MCOLN3: variants seen among roughly 807,000 people sequenced by gnomAD.
MCOLN3 encodes mucolipin TRP cation channel 3, also known as mucolipin-3.
MCOLN3 carries 62 observed loss-of-function variants against 69.4 expected under a neutral mutation model. That is an observed-to-expected ratio of 0.89 (90% CI 0.73 to 1.10). The LOEUF is 1.10. MCOLN3 is among the 50% of genes least tolerant of loss of function. The pLI, the probability that MCOLN3 is intolerant of heterozygous loss-of-function variation, is 0.00. For missense variants in MCOLN3, 564 were observed against 656.4 expected (o/e 0.86, Z 1.54); for synonymous variants, 183 against 217.0 (o/e 0.84, Z 1.38).
intron 9 of MCOLN3, 32 bp downstream of exon 9, chr1:85,025,907 A>G: frequency 1.9e-6 from 3 of 1,563,852 alleles, no homozygotes; most frequent in Non-Finnish European, 2.6e-6. Context: ...CAAATCTGAC[A>G]CTAACAATAG....
chr1:85,019,357 TAG>T, intron 12 of MCOLN3, 100 bp from the exon 13 acceptor site: 2 of 1,158,910 alleles, frequency 1.7e-6, no homozygotes, highest in Non-Finnish European at 2.5e-6. Context: ...GGGGGTTTTC[TAG>T]AGAGATAGTA....
intron 6 of MCOLN3, among the ~76,000 whole-genome samples, chr1:85,030,962 T>G (rs1477024078): frequency 1.3e-5 from 2 of 151,286 alleles, no homozygotes; most frequent in African/African-American, 4.9e-5. Context: ...TAAATAAGAG[T>G]TCGTTAATAG....
chr1:85,034,342 C>A, intron 3 of MCOLN3, 91 bp from the exon 4 acceptor site: 1 of 1,370,016 alleles, frequency 7.3e-7, no homozygotes, highest in East Asian at 2.3e-5. Context: ...CTGATCCTGG[C>A]AGGTTCCCTT....
intron 3 of MCOLN3, chr1:85,036,770 C>G (rs1289152951): frequency 6.6e-6 from 1 of 152,128 alleles, no homozygotes; most frequent in Non-Finnish European, 1.5e-5. Context: ...ATATTCTCCC[C>G]AAGATTTCAA....
chr1:85,045,066 C>A lies in MCOLN3; in HGVS notation c.228+67G>T, dbSNP rs1270292098. 92 of 1,231,788 alleles carry A rather than the reference C, an allele frequency of 7.5e-5. No homozygotes were observed. The Admixed American group carries it at 2.1e-3, about 28-fold the overall frequency. The allele number at this position is 1,231,788 out of a possible 1,614,324, so 76.3% of individuals were successfully genotyped here. A position where few individuals can be genotyped will look rare whatever the true frequency, so the allele number is the denominator to read the frequency against. On this transcript the variant is annotated intron_variant, in intron 2 of 12. Coordinates refer to ENST00000370589, the MANE Select transcript of MCOLN3 (RefSeq NM_018298.11). ...AGTTAAAAGTTATTTAAAAAAAAAA[C>A]CACTGTCCATAGTTATCTTTGTAAT...
chr1:85,043,369 A>C (rs1407773011), intron 2 of MCOLN3, among the ~76,000 whole-genome samples: 1 of 152,118 alleles, frequency 6.6e-6, no homozygotes, highest in African/African-American at 2.4e-5. Context: ...ATCTCCACTG[A>C]AAATACAAAA....
At chr1:85,033,963 A>T in intron 4 of MCOLN3, 135 bp downstream of exon 4, 1 of 959,944 alleles carries the variant, frequency 1.0e-6, no homozygotes, top group South Asian at 1.7e-5. Context: ...TACCTGACAC[A>T]TAATAACTCG....
chr1:85,025,833 A>T, intron 9 of MCOLN3, 106 bp downstream of exon 9: 1 of 1,150,084 alleles, frequency 8.7e-7, no homozygotes, highest in East Asian at 2.6e-5. Context: ...CTTGATATAC[A>T]GTTTGGAAGA....
rs539304685 is a variant in MCOLN3 at position 85,019,844 on chromosome 1, C to T, written c.1528-587G>A. ...ACCCTTTTGGAGTCAGTCTTCCAGCCAGGCAAGTTTGTTTAAGGGCCTCAT... is the reference window on the plus strand; with the variant it reads ...ACCCTTTTGGAGTCAGTCTTCCAGCTAGGCAAGTTTGTTTAAGGGCCTCAT... On this transcript the variant is annotated intron_variant, in intron 12 of 12. Coordinates refer to ENST00000370589, the MANE Select transcript of MCOLN3 (RefSeq NM_018298.11). 4.6e-5 allele frequency among the ~76,000 whole-genome samples: 7 copies of T among 152,264 alleles called. 1 individual carries two copies. In the South Asian group the frequency reaches 1.5e-3, roughly 32 times the overall value.
rs536519251 is a variant in MCOLN3, at chr1:85,033,062, T to C, written c.551-106A>G. 5.5e-4 allele frequency: 546 copies of C among 991,346 alleles called. 4 individuals carry two copies. The African/African-American group carries it at 7.9e-3, about 14-fold the overall frequency. The allele number at this position is 991,346 out of a possible 1,614,324, so 61.4% of individuals were successfully genotyped here. ...TATTCAGATTCTATTATTTTTCAGA[T>C]TCTATTATTTTTCTGAATTAAAATT... On this transcript the variant is annotated intron_variant, in intron 4 of 12. Transcript: ENST00000370589.
chr1:85,037,078 C>T (rs1190162866), intron 3 of MCOLN3, among the ~76,000 whole-genome samples: 2 of 152,090 alleles, frequency 1.3e-5, no homozygotes, highest in Non-Finnish European at 2.9e-5. Context: ...AATCTGTGCA[C>T]AGTGAGTTGG....
chr1:85,034,544 A>G (rs1652718820), intron 3 of MCOLN3, among the ~76,000 whole-genome samples: 2 of 152,224 alleles, frequency 1.3e-5, no homozygotes, highest in South Asian at 4.1e-4. Flanking sequence ...TTCCTCCCTT[A>G]AAGAATTATG....
chr1:85,024,034 G>A (rs969973218), intron 9 of MCOLN3, among the ~76,000 whole-genome samples: 2 of 151,934 alleles, frequency 1.3e-5, no homozygotes, highest in African/African-American at 2.4e-5. Flanking sequence ...AACAGACACC[G>A]AAAGAATGAG....
At chr1:85,034,447 A>G (rs1652712798) in intron 3 of MCOLN3, among the ~76,000 whole-genome samples, 196 bp from the exon 4 acceptor site, 1 of 152,230 alleles carries the variant, frequency 6.6e-6, no homozygotes, top group Admixed American at 6.5e-5. Context: ...TTCTAGATTC[A>G]AGCCTCATTT....
intron 11 of MCOLN3, among the ~76,000 whole-genome samples, chr1:85,021,533 C>CT (rs929618909): frequency 2.0e-5 from 3 of 152,242 alleles, no homozygotes; most frequent in Admixed American, 1.3e-4. Context: ...ACCCTCAGTG[C>CT]TTTTTTGAAT....
Position 85,045,200 on chromosome 1 carries a change from C to T in MCOLN3, c.161G>A (p.Trp54Ter). 6.2e-7 allele frequency: 1 copy of T among 1,613,978 alleles called. No homozygotes were observed. Among genetic ancestry groups the T allele is most frequent in the Non-Finnish European group, 8.5e-7 (1 of 1,179,994 alleles). The change falls in exon 2 of 13, where the codon TGG becomes TAG. Residue 54 changes from tryptophan to a stop codon, truncating the protein, a stop_gained. Coordinates refer to ENST00000370589, the MANE Select transcript of MCOLN3 (RefSeq NM_018298.11). LOFTEE classifies it high-confidence loss of function. The stretch of plus-strand genomic sequence containing the variant: ...TTTCCATGGTTTTCTACCTCGAGCC[C>T]AGAACTTCTCACAGGGATTCATGAA... ...FFFMNPCEKF[W>*]ARGRKPWKLA...
At chr1:85,029,231 A>C in intron 6 of MCOLN3, 26 bp from the exon 7 acceptor site, 1 of 1,423,038 alleles carries the variant, frequency 7.0e-7, no homozygotes, top group Non-Finnish European at 9.9e-7. Context: ...AACAGTCAAA[A>C]ACATACTTAT....
rs377256644 is a variant in MCOLN3, at chr1:85,025,296, C to T, written c.1095+643G>A. 17 of 152,182 alleles carry T rather than the reference C, an allele frequency of 1.1e-4. No individual in the cohort carries two copies. The East Asian group carries it at 1.3e-3, about 12-fold the overall frequency. The allele number at this position is 152,182 out of a possible 1,614,324, so 9.4% of individuals were successfully genotyped here. ...TTTATAACCAACTCCCCAGGTGACTCAATCAGTTGCATCAAGACTAGGGAA... is the reference window on the plus strand; with the variant it reads ...TTTATAACCAACTCCCCAGGTGACTTAATCAGTTGCATCAAGACTAGGGAA... On this transcript the variant is annotated intron_variant, in intron 9 of 12. Transcript: ENST00000370589.
intron 2 of MCOLN3, among the ~76,000 whole-genome samples, chr1:85,043,835 A>T (rs896159295): frequency 6.7e-6 from 1 of 150,352 alleles, no homozygotes. Flanking sequence ...CTGACTAGCC[A>T]TGTGACTTTT....
Sources: allele counts gnomAD v4.1 joint callset (sites outside exome capture counted in the v4.1 genomes callset), GRCh38; gene constraint gnomAD v4.1.1; transcripts MANE v1.5; gene names NCBI Gene and HGNC (gene_info 2026-07-23, HGNC 2026-07-21).